LRRTM4: variants seen among roughly 807,000 people sequenced by gnomAD.
LRRTM4 encodes leucine-rich repeat transmembrane neuronal protein 4.
In LRRTM4, 25 loss-of-function variants were observed where a neutral mutation model predicts 47.6. The ratio of observed to expected loss-of-function variants is 0.53; its 90% CI spans 0.38 to 0.73. The LOEUF (loss-of-function observed/expected upper bound fraction) is 0.73, where lower values mean the gene tolerates loss of function less well. Among genes scored for constraint, LRRTM4 ranks in the 30% least tolerant of loss-of-function variants. The pLI, the probability that LRRTM4 is intolerant of heterozygous loss-of-function variation, is 0.00. For synonymous variants in LRRTM4, 311 were observed against 269.5 expected, an observed-to-expected ratio of 1.15 and a Z score of -1.51; for missense variants, 638 against 713.4, an observed-to-expected ratio of 0.89 and a Z score of 1.20.
rs186844867 is a variant in LRRTM4, at chr2:76,878,789, G to A, written c.1552-129873C>T. On this transcript the variant is annotated intron_variant, in intron 3 of 3. Coordinates refer to ENST00000409884, the MANE Select transcript of LRRTM4 (RefSeq NM_001134745.3). ...CTTGGGAGGCTGAGGCAGGAGAATCGCTTGAACCCAGGAGGCGGAACTTGT... is the reference window on the plus strand; with the variant it reads ...CTTGGGAGGCTGAGGCAGGAGAATCACTTGAACCCAGGAGGCGGAACTTGT... 7.9e-5 allele frequency among the ~76,000 whole-genome samples: 12 copies of A among 152,176 alleles called. No homozygotes were observed. In the East Asian group the frequency reaches 1.2e-3, roughly 15 times the overall value.
At chr2:77,491,926 T>C (rs1396651992) in intron 3 of LRRTM4, among the ~76,000 whole-genome samples, 1 of 151,876 alleles carries the variant, frequency 6.6e-6, no homozygotes, top group Non-Finnish European at 1.5e-5. Flanking sequence ...GGCAAGGCTA[T>C]ACAGGTGATA....
intron 3 of LRRTM4, among the ~76,000 whole-genome samples, chr2:77,458,625 T>A (rs1198480452): frequency 1.3e-5 from 2 of 151,954 alleles, no homozygotes; most frequent in Non-Finnish European, 2.9e-5. Flanking sequence ...AGTATGCTAG[T>A]GAGATTTTAT....
intron 3 of LRRTM4, among the ~76,000 whole-genome samples, chr2:76,924,657 C>T (rs929722488): frequency 5.9e-5 from 9 of 151,794 alleles, no homozygotes; most frequent in African/African-American, 2.2e-4. Flanking sequence ...GAGCGTAATA[C>T]AAATTTTGCA....
At position 77,041,827 on chromosome 2, in the gene LRRTM4, T is replaced by C. The variant is rs562707945; in HGVS notation, c.1552-292911A>G. Among the ~76,000 whole-genome samples, 385 of 150,106 alleles carry C rather than the reference T, an allele frequency of 2.6e-3. 3 individuals are homozygous for C. Among genetic ancestry groups the C allele is most frequent in the African/African-American group, 8.6e-3 (356 of 41,250 alleles). On this transcript the variant is annotated intron_variant, in intron 3 of 3. Coordinates refer to ENST00000409884, the MANE Select transcript of LRRTM4 (RefSeq NM_001134745.3). ...TTGCGGTTTTTGCTTTTGAAAGTAA[T>C]GGCAAAAACCGCAATGACTTTTGCA...
intron 3 of LRRTM4, among the ~76,000 whole-genome samples, chr2:77,233,978 G>A (rs1675038086): frequency 6.6e-6 from 1 of 151,944 alleles, no homozygotes; most frequent in East Asian, 1.9e-4. Context: ...TTGCATTTTT[G>A]TAGAGACGGG....
At chr2:77,252,187 G>A (rs1419744414) in intron 3 of LRRTM4, among the ~76,000 whole-genome samples, 1 of 152,092 alleles carries the variant, frequency 6.6e-6, no homozygotes. Flanking sequence ...ACCTGAGATA[G>A]GGAAGTTGCT....
chr2:76,787,983 A>T (rs1210372288), intron 3 of LRRTM4, among the ~76,000 whole-genome samples: 2 of 152,120 alleles, frequency 1.3e-5, no homozygotes, highest in Non-Finnish European at 1.5e-5. Flanking sequence ...TTTACTTTGA[A>T]ATATTTTATT....
chr2:76,898,419 G>A (rs375551399), intron 3 of LRRTM4, among the ~76,000 whole-genome samples: 110 of 151,864 alleles, frequency 7.2e-4, no homozygotes, highest in African/African-American at 2.5e-3. Flanking sequence ...GAGTAATCTC[G>A]AAACATTTAT....
At position 76,981,888 on chromosome 2, in the gene LRRTM4, G is replaced by C. The variant is rs555274808; in HGVS notation, c.1552-232972C>G. 5.9e-5 allele frequency among the ~76,000 whole-genome samples: 9 copies of C among 152,106 alleles called. No homozygotes were observed. In the East Asian group the frequency reaches 1.8e-3, roughly 30 times the overall value. On this transcript the variant is annotated intron_variant, in intron 3 of 3. Transcript: ENST00000409884. ...AGTTTTGTTTTAAACATTAGATAAA[G>C]AGTATATATAAATCTTGTGTGGTTT...
intron 3 of LRRTM4, among the ~76,000 whole-genome samples, chr2:77,001,218 A>G (rs898538599): frequency 6.6e-6 from 1 of 152,072 alleles, no homozygotes; most frequent in Non-Finnish European, 1.5e-5. Flanking sequence ...TAAAATCTAC[A>G]CTCAAAAAAG....
At chr2:76,872,422 GCT>G (rs1457857706) in intron 3 of LRRTM4, among the ~76,000 whole-genome samples, 1 of 151,872 alleles carries the variant, frequency 6.6e-6, no homozygotes, top group African/African-American at 2.4e-5. Context: ...TGGCTATATT[GCT>G]CTCTTTTTGA....
chr2:77,178,911 C>A (rs1161735066), intron 3 of LRRTM4, among the ~76,000 whole-genome samples: 2 of 152,076 alleles, frequency 1.3e-5, no homozygotes, highest in African/African-American at 4.8e-5. Flanking sequence ...ACATTCATAC[C>A]AGTAGTGTGA....
intron 3 of LRRTM4, among the ~76,000 whole-genome samples, chr2:77,316,374 T>G (rs1215229837): frequency 6.6e-6 from 1 of 152,160 alleles, no homozygotes; most frequent in Non-Finnish European, 1.5e-5. Flanking sequence ...ACATTAAAAA[T>G]GTTCTATGTC....
intron 3 of LRRTM4, among the ~76,000 whole-genome samples, chr2:76,896,216 A>G (rs976290680): frequency 6.7e-6 from 1 of 149,836 alleles, no homozygotes. Context: ...ACACACAAAC[A>G]CACACACACA....
chr2:77,129,223 G>C (rs1671731553), intron 3 of LRRTM4, among the ~76,000 whole-genome samples: 1 of 152,120 alleles, frequency 6.6e-6, no homozygotes, highest in South Asian at 2.1e-4. Context: ...AGACCCATTA[G>C]TTTTTTTCTT....
At chr2:76,974,211 C>CATATATATATACATACATACATATAT in intron 3 of LRRTM4, among the ~76,000 whole-genome samples, 2 of 118,222 alleles carry the variant, frequency 1.7e-5, no homozygotes, top group African/African-American at 7.5e-5. Context: ...TATATATATA[C>CATATATATATACATACATACATATAT]ACATATATAT....
chr2:77,337,441 A>G (rs1190095003), intron 3 of LRRTM4, among the ~76,000 whole-genome samples: 1 of 151,796 alleles, frequency 6.6e-6, no homozygotes, highest in Non-Finnish European at 1.5e-5. Context: ...CTAAAATCTC[A>G]TCTAGAATTG....
intron 3 of LRRTM4, among the ~76,000 whole-genome samples, chr2:77,405,451 A>G (rs1389736911): frequency 6.6e-6 from 1 of 152,102 alleles, no homozygotes; most frequent in African/African-American, 2.4e-5. Context: ...TGAATGTGAT[A>G]TACCTCTCAG....
intron 3 of LRRTM4, among the ~76,000 whole-genome samples, chr2:77,285,340 T>TTATATACATATATATA (rs1676621995): frequency 1.2e-5 from 1 of 82,590 alleles, no homozygotes; most frequent in Non-Finnish European, 2.4e-5. Context: ...AGCATTAAAT[T>TTATATACATATATATA]TATATATATA....
Sources: gnomAD v4.1 joint callset for allele counts (sites outside exome capture counted in the v4.1 genomes callset) on GRCh38, gnomAD v4.1.1 for gene constraint, MANE v1.5 for transcripts, NCBI Gene and HGNC (gene_info 2026-07-23, HGNC 2026-07-21) for gene names.